The following VTI1A variants were observed in gnomAD, a reference collection of about 807,000 sequenced individuals.
VTI1A encodes the protein vesicle transport through interaction with t-SNAREs homolog 1A.
Under a neutral mutation model 34.9 loss-of-function variants are expected in VTI1A, and 22 were observed. The observed-to-expected ratio is 0.63, with a 90% confidence interval of 0.45 to 0.90. The LOEUF is 0.90. VTI1A is among the 40% of genes least tolerant of loss of function. The pLI is 0.00. For missense variants in VTI1A, 268 were observed against 275.6 expected, an observed-to-expected ratio of 0.97 and a Z score of 0.20; for synonymous variants, 87 against 97.3, an observed-to-expected ratio of 0.89 and a Z score of 0.62.
chr10:112,833,921 C>T, the VTI1A span, among the ~76,000 whole-genome samples: 2 of 152,288 alleles, frequency 1.3e-5, no homozygotes, highest in Admixed American at 6.5e-5. Context: ...GCTTCTGAGC[C>T]ACTTCGGAGC....
At chr10:112,613,732 A>G (rs548676070) in intron 5 of VTI1A, among the ~76,000 whole-genome samples, 1 of 152,228 alleles carries the variant, frequency 6.6e-6, no homozygotes, top group African/African-American at 2.4e-5. Flanking sequence ...GCTGCCCTTC[A>G]TTAGCCCTCA....
intron 7 of VTI1A, 83 bp from the exon 8 acceptor site, chr10:112,815,207 T>A: frequency 1.0e-6 from 1 of 980,072 alleles, no homozygotes; most frequent in Non-Finnish European, 1.6e-6. Flanking sequence ...TGCCGTTTGA[T>A]TAGCCAACCT....
chr10:112,462,811 A>G (rs1369389615), intron 2 of VTI1A, among the ~76,000 whole-genome samples: 1 of 152,228 alleles, frequency 6.6e-6, no homozygotes, highest in East Asian at 1.9e-4. Flanking sequence ...CTTATTAGAA[A>G]GCTTTAAAAG....
At chr10:112,845,474 T>A in the VTI1A span, among the ~76,000 whole-genome samples, 1 of 152,234 alleles carries the variant, frequency 6.6e-6, no homozygotes, top group Non-Finnish European at 1.5e-5. Flanking sequence ...TGGACTTCAT[T>A]AATGCCTGGC....
intron 7 of VTI1A, among the ~76,000 whole-genome samples, chr10:112,797,797 A>G (rs894903866): frequency 6.6e-6 from 1 of 152,182 alleles, no homozygotes; most frequent in Admixed American, 6.5e-5. Flanking sequence ...ATGCAACACA[A>G]TAAGATTGAA....
chr10:112,472,981 G>GA (rs10660196), intron 3 of VTI1A, among the ~76,000 whole-genome samples: 15,782 of 148,180 alleles, frequency 0.11, 909 homozygotes, highest in East Asian at 0.13. Context: ...GAGTAAAAAA[G>GA]AAAAAAAAAA....
At chr10:112,559,599 C>G (rs77373153) in intron 5 of VTI1A, among the ~76,000 whole-genome samples, 1 of 152,060 alleles carries the variant, frequency 6.6e-6, no homozygotes, top group Non-Finnish European at 1.5e-5. Flanking sequence ...ATGCACCCCC[C>G]AGTGCTGCCA....
chr10:112,714,282 G>A (rs944836551), intron 7 of VTI1A, among the ~76,000 whole-genome samples: 6 of 152,088 alleles, frequency 3.9e-5, no homozygotes, highest in African/African-American at 1.2e-4. Flanking sequence ...TCCATGCTCC[G>A]TTGGATCTCA....
chr10:112,782,304 A>G (rs944214478), intron 7 of VTI1A, among the ~76,000 whole-genome samples: 1 of 152,256 alleles, frequency 6.6e-6, no homozygotes, highest in Non-Finnish European at 1.5e-5. Context: ...AGAGTGGAAC[A>G]CTAAAACCTC....
At chr10:112,466,835 T>TG (rs35272269) in intron 3 of VTI1A, among the ~76,000 whole-genome samples, 108,331 of 151,920 alleles carry the variant, frequency 0.71, 39,965 homozygotes, top group Non-Finnish European at 0.8. Flanking sequence ...TTCTGGAAAC[T>TG]GAAGTTGGAG....
rs953428155 is a variant in VTI1A at position 112,752,361 on chromosome 10, T to A, written c.561-62929T>A. On this transcript the variant is annotated intron_variant, in intron 7 of 7. Coordinates refer to ENST00000393077, the MANE Select transcript of VTI1A (RefSeq NM_145206.4). Reference sequence around the variant, plus strand: ...CCCTCTGTCTTTTCCAGGTTTGTGCTATTCTGATTACATTATCGACTAGTC... The same window carrying A: ...CCCTCTGTCTTTTCCAGGTTTGTGCAATTCTGATTACATTATCGACTAGTC... 17 of 985,274 alleles carry A rather than the reference T, an allele frequency of 1.7e-5. No homozygotes were observed. In the African/African-American group the frequency reaches 2.6e-4, roughly 15 times the overall value. 61.0% of individuals were successfully genotyped at this position (985,274 alleles called of 1,614,324 possible).
rs2134016222 is a variant in VTI1A, at chr10:112,767,091, C to T, written c.561-48199C>T. ...TTCTTTAAAAGGGAAATGATTTCAT[C>T]AGCTTCCCAATCTGTGGCTTAAAGT... On this transcript the variant is annotated intron_variant, in intron 7 of 7. Transcript: ENST00000393077. The surrounding 1 kb of genome is among the most constrained non-coding windows in gnomAD (Gnocchi z 4.0). Among the ~76,000 whole-genome samples, 1 of 152,344 alleles carries T rather than the reference C, an allele frequency of 6.6e-6. No individual in the cohort carries two copies. The highest frequency in any genetic ancestry group is 6.5e-5 in the Admixed American group (1 of 15,306).
At chr10:112,813,549 C>T (rs929598742) in intron 7 of VTI1A, among the ~76,000 whole-genome samples, 4 of 152,096 alleles carry the variant, frequency 2.6e-5, no homozygotes, top group African/African-American at 9.7e-5. Flanking sequence ...ATTCTGAAGG[C>T]TCCTGTCCCT....
At chr10:112,759,496 A>G (rs1851387919) in intron 7 of VTI1A, among the ~76,000 whole-genome samples, 4 of 152,154 alleles carry the variant, frequency 2.6e-5, no homozygotes, top group Admixed American at 2.6e-4. Flanking sequence ...ATGCCTACCG[A>G]ACCAACGTTT....
chr10:112,754,567 T>C (rs1851217573), intron 7 of VTI1A, among the ~76,000 whole-genome samples: 1 of 152,204 alleles, frequency 6.6e-6, no homozygotes. Flanking sequence ...ACTTTGATGA[T>C]ATAAAGCTGT....
At chr10:112,840,945 A>C in the VTI1A span, among the ~76,000 whole-genome samples, 10 of 152,202 alleles carry the variant, frequency 6.6e-5, no homozygotes, top group African/African-American at 2.4e-4. Flanking sequence ...AATTGGGGTT[A>C]GATGCTTAGC....
chr10:112,828,494 C>A, the VTI1A span, among the ~76,000 whole-genome samples: 531 of 152,208 alleles, frequency 3.5e-3, 2 homozygotes, highest in Non-Finnish European at 5.1e-3. Flanking sequence ...CAAGCTCCAC[C>A]TCCTGGGTTC....
At chr10:112,483,133 C>T (rs1028220614) in intron 3 of VTI1A, among the ~76,000 whole-genome samples, 7 of 152,098 alleles carry the variant, frequency 4.6e-5, no homozygotes, top group African/African-American at 1.4e-4. Context: ...GCTCAAGCAA[C>T]GATCTGCCTA....
At chr10:112,710,942 A>G (rs529283445) in intron 7 of VTI1A, among the ~76,000 whole-genome samples, 3 of 152,354 alleles carry the variant, frequency 2.0e-5, no homozygotes, top group African/African-American at 7.2e-5. Flanking sequence ...ACAAAATGTC[A>G]CAATTCAATG....
Sources: gnomAD v4.1 joint callset for allele counts (sites outside exome capture counted in the v4.1 genomes callset) on GRCh38, gnomAD v4.1.1 for gene constraint, Gnocchi (gnomAD v3.1) non-coding constraint, MANE v1.5 for transcripts, NCBI Gene and HGNC (gene_info 2026-07-23, HGNC 2026-07-21) for gene names.